Variants in EDIL3 observed in about 807,000 individuals in gnomAD.
EDIL3 encodes EGF-like repeat and discoidin I-like domain-containing protein 3.
A neutral mutation model predicts 67.4 loss-of-function variants in EDIL3; 37 were observed. The observed-to-expected ratio is 0.55, with a 90% CI of 0.42 to 0.72. EDIL3 has a LOEUF of 0.72. Among genes scored for constraint, EDIL3 ranks in the 30% least tolerant of loss-of-function variants. EDIL3 has a pLI of 0.00. For missense variants in EDIL3, 527 were observed against 586.3 expected (o/e 0.90, Z 1.04); for synonymous variants, 195 against 196.3 (o/e 0.99, Z 0.05).
chr5:84,189,853 T>C (rs1455705939), intron 3 of EDIL3, among the ~76,000 whole-genome samples: 1 of 152,038 alleles, frequency 6.6e-6, no homozygotes, highest in African/African-American at 2.4e-5. Flanking sequence ...CATAAAAATA[T>C]GTAATGAACA....
chr5:84,286,939 A>G (rs1484019431), intron 1 of EDIL3, among the ~76,000 whole-genome samples: 3 of 152,186 alleles, frequency 2.0e-5, no homozygotes, highest in East Asian at 3.8e-4. Flanking sequence ...TATCTCAGCA[A>G]TGCTAGTGCA....
chr5:84,166,442 T>C (rs1748704962), intron 4 of EDIL3, among the ~76,000 whole-genome samples: 1 of 152,190 alleles, frequency 6.6e-6, no homozygotes, highest in Non-Finnish European at 1.5e-5. Context: ...GACAATACAT[T>C]AAATGATTCA....
chr5:84,383,492 A>G (rs1748133709), intron 1 of EDIL3, among the ~76,000 whole-genome samples: 1 of 151,642 alleles, frequency 6.6e-6, no homozygotes, highest in Admixed American at 6.6e-5. Flanking sequence ...TTCTGTTTTT[A>G]TTTTTTCGTG....
chr5:84,219,194 G>A (rs1027553731), intron 3 of EDIL3, among the ~76,000 whole-genome samples: 6 of 152,136 alleles, frequency 3.9e-5, no homozygotes, highest in African/African-American at 9.7e-5. Flanking sequence ...AGAAAGTAGG[G>A]GAAGAGATCC....
intron 1 of EDIL3, among the ~76,000 whole-genome samples, chr5:84,305,590 A>G (rs1746247985): frequency 6.6e-6 from 1 of 152,202 alleles, no homozygotes; most frequent in Admixed American, 6.5e-5. Context: ...AATTAACTTT[A>G]AGATACAGGC....
intron 1 of EDIL3, among the ~76,000 whole-genome samples, chr5:84,326,681 A>G (rs1321334278): frequency 1.3e-5 from 2 of 151,616 alleles, no homozygotes; most frequent in Non-Finnish European, 2.9e-5. Context: ...CTGTATTTTC[A>G]CTGTGCTATA....
chr5:83,954,037 T>G (rs1452853073), intron 10 of EDIL3, among the ~76,000 whole-genome samples: 2 of 151,800 alleles, frequency 1.3e-5, no homozygotes, highest in Non-Finnish European at 2.9e-5. Context: ...AGATTTAAAC[T>G]GTGAAAAAGT....
chr5:84,361,799 T>A (rs1401488082), intron 1 of EDIL3, among the ~76,000 whole-genome samples: 2 of 151,954 alleles, frequency 1.3e-5, no homozygotes, highest in African/African-American at 4.8e-5. Context: ...ACAATCTATA[T>A]CCTTTATAAC....
At chr5:84,235,378 G>A (rs1744659051) in intron 2 of EDIL3, among the ~76,000 whole-genome samples, 1 of 152,136 alleles carries the variant, frequency 6.6e-6, no homozygotes, top group African/African-American at 2.4e-5. Flanking sequence ...TAATCAAAAT[G>A]TTTCCATTCT....
chr5:84,008,811 T>C (rs1745469746), intron 9 of EDIL3, among the ~76,000 whole-genome samples: 1 of 151,978 alleles, frequency 6.6e-6, no homozygotes, highest in African/African-American at 2.4e-5. Flanking sequence ...TTTTGTTTTG[T>C]TTTGTTTTGT....
chr5:84,207,566 C>T (rs1347660354), intron 3 of EDIL3, among the ~76,000 whole-genome samples: 4 of 151,384 alleles, frequency 2.6e-5, no homozygotes, highest in Admixed American at 2.0e-4. Flanking sequence ...CATATGGAAC[C>T]AAAAAAGAGC....
chr5:83,964,431 T>C (rs1482504445), intron 9 of EDIL3, among the ~76,000 whole-genome samples: 1 of 151,978 alleles, frequency 6.6e-6, no homozygotes, highest in Non-Finnish European at 1.5e-5. Context: ...TTAACTGTCA[T>C]GATCCCATGT....
intron 9 of EDIL3, among the ~76,000 whole-genome samples, chr5:84,007,025 C>A (rs559298394): frequency 9.9e-5 from 15 of 151,976 alleles, no homozygotes; most frequent in African/African-American, 3.4e-4. Flanking sequence ...CACCAAGAAC[C>A]TACATTGGAG....
intron 1 of EDIL3, among the ~76,000 whole-genome samples, chr5:84,312,035 C>T (rs1746402178): frequency 6.6e-6 from 1 of 152,192 alleles, no homozygotes; most frequent in African/African-American, 2.4e-5. Context: ...TCCACAAAAC[C>T]GCCATTGTCA....
At chr5:84,061,327 A>T (rs1227995048) in intron 8 of EDIL3, among the ~76,000 whole-genome samples, 2 of 152,162 alleles carry the variant, frequency 1.3e-5, no homozygotes, top group African/African-American at 4.8e-5. Flanking sequence ...ATGCATGCAC[A>T]TATGTTTGTG....
At chr5:84,380,698 C>T (rs976992181) in intron 1 of EDIL3, among the ~76,000 whole-genome samples, 1 of 151,982 alleles carries the variant, frequency 6.6e-6, no homozygotes, top group African/African-American at 2.4e-5. Context: ...TCCCATTATG[C>T]AAAATCCTTC....
intron 9 of EDIL3, among the ~76,000 whole-genome samples, chr5:83,979,742 C>A (rs1744936890): frequency 6.6e-6 from 1 of 152,086 alleles, no homozygotes. Context: ...TTTCTTCTGA[C>A]ACAGCCACCA....
intron 1 of EDIL3, among the ~76,000 whole-genome samples, chr5:84,370,601 T>C (rs1205532387): frequency 1.3e-5 from 2 of 152,224 alleles, no homozygotes; most frequent in African/African-American, 4.8e-5. Flanking sequence ...TAAAGTTTAC[T>C]GTCTAGCTCC....
At chr5:84,326,429 C>T (rs1251707427) in intron 1 of EDIL3, among the ~76,000 whole-genome samples, 1 of 151,706 alleles carries the variant, frequency 6.6e-6, no homozygotes, top group Non-Finnish European at 1.5e-5. Context: ...TCCCATCATA[C>T]AAGAAGAAAA....
Sources: allele counts gnomAD v4.1 joint callset (sites outside exome capture counted in the v4.1 genomes callset), GRCh38; gene constraint gnomAD v4.1.1; transcripts MANE v1.5; gene names NCBI Gene and HGNC (gene_info 2026-07-23, HGNC 2026-07-21).